Variants in NAA15 observed in about 807,000 individuals in gnomAD.
NAA15 encodes the protein N-terminal acetyltransferase.
In NAA15, 34 loss-of-function variants were observed where a neutral mutation model predicts 114.0. The ratio of observed to expected loss-of-function variants is 0.30; its 90% CI spans 0.23 to 0.40. NAA15 has a LOEUF of 0.40. Ranked by LOEUF, NAA15 falls within the 10% of genes least tolerant of loss-of-function variation. NAA15 has a pLI of 1.00. For synonymous variants in NAA15, 340 were observed against 338.0 expected (o/e 1.01, Z -0.06); for missense variants, 658 against 1,004.5 (o/e 0.66, Z 4.66).
At chr4:139,336,264 T>A (rs1747197393) in intron 2 of NAA15, among the ~76,000 whole-genome samples, 1 of 152,316 alleles carries the variant, frequency 6.6e-6, no homozygotes, top group Middle Eastern at 3.4e-3. Context: ...TTAGTTTTCC[T>A]CTTCTGAAAA....
intron 6 of NAA15, among the ~76,000 whole-genome samples, chr4:139,345,243 G>C (rs576423498): frequency 6.6e-6 from 1 of 152,298 alleles, no homozygotes; most frequent in East Asian, 1.9e-4. Flanking sequence ...GCTCTCTTGT[G>C]AACTGCAGAT....
intron 1 of NAA15, among the ~76,000 whole-genome samples, chr4:139,307,312 A>G (rs1234367917): frequency 6.6e-6 from 1 of 152,250 alleles, no homozygotes; most frequent in South Asian, 2.1e-4. Context: ...TCTATCACAC[A>G]GTCTGGAGTG....
intron 1 of NAA15, among the ~76,000 whole-genome samples, chr4:139,326,590 T>C (rs1396273254): frequency 2.6e-5 from 4 of 152,212 alleles, no homozygotes; most frequent in Admixed American, 2.0e-4. Context: ...TTTTCACTAC[T>C]TCGTTAATTC....
At chr4:139,359,288 T>A (rs1355825703) in intron 11 of NAA15, among the ~76,000 whole-genome samples, 1 of 151,760 alleles carries the variant, frequency 6.6e-6, no homozygotes, top group Non-Finnish European at 1.5e-5. Flanking sequence ...GCCACCACCC[T>A]TGGTTTACTT....
intron 11 of NAA15, 32 bp from the exon 12 acceptor site, chr4:139,359,711 A>T (rs1355181090): frequency 1.2e-5 from 19 of 1,573,112 alleles, no homozygotes; most frequent in African/African-American, 2.8e-5. Context: ...TTAGCATGCT[A>T]ACTGGTTTAT....
At chr4:139,334,136 C>G (rs1193234874) in intron 1 of NAA15, 38 bp from the exon 2 acceptor site, 2 of 1,325,610 alleles carry the variant, frequency 1.5e-6, no homozygotes, top group Non-Finnish European at 2.1e-6. Context: ...TGTTTGTATT[C>G]CTTGCTAAAC....
At chr4:139,354,171 G>A in intron 10 of NAA15, 73 bp downstream of exon 10, 1 of 1,269,804 alleles carries the variant, frequency 7.9e-7, no homozygotes, top group Non-Finnish European at 1.1e-6. Flanking sequence ...TAATCAGAAG[G>A]TCAGTATTAT....
chr4:139,369,737 CAAAAAAAAAAA>C (rs1247894181), intron 14 of NAA15, among the ~76,000 whole-genome samples: 1 of 79,246 alleles, frequency 1.3e-5, no homozygotes, highest in Non-Finnish European at 2.5e-5. Context: ...GACTCCGTCT[CAAAAAAAAAAA>C]AAAAAAAAAA....
intron 1 of NAA15, among the ~76,000 whole-genome samples, chr4:139,319,179 A>G (rs750233011): frequency 5.3e-5 from 8 of 152,112 alleles, no homozygotes; most frequent in Non-Finnish European, 1.0e-4. Context: ...CTGTAATCCT[A>G]GCTGTTCAGG....
intron 10 of NAA15, among the ~76,000 whole-genome samples, chr4:139,354,850 A>T (rs1020019547): frequency 2.6e-5 from 4 of 152,132 alleles, no homozygotes; most frequent in African/African-American, 9.7e-5. Context: ...CTAAAACATA[A>T]CCTAATACCA....
rs572297484 is a variant in NAA15 at position 139,301,741 on chromosome 4, C to T, written c.-37C>T. On this transcript the variant is annotated 5_prime_UTR_variant, in exon 1 of 20. Coordinates refer to ENST00000296543, the MANE Select transcript of NAA15 (RefSeq NM_057175.5). ...CGGTCGGACAAACTGACTGACCGAG[C>T]CGGGTGGTGGCGGGAGCAGCGGGAG... 4.2e-5 allele frequency: 65 copies of T among 1,545,888 alleles called. No individual in the cohort carries two copies. The highest frequency in any genetic ancestry group is 3.4e-4 in the Middle Eastern group (2 of 5,952).
intron 15 of NAA15, among the ~76,000 whole-genome samples, chr4:139,372,127 A>G (rs972568699): frequency 1.1e-4 from 16 of 152,104 alleles, no homozygotes; most frequent in Non-Finnish European, 2.9e-5. Flanking sequence ...TGTGTTAGCT[A>G]GGATGGTCTC....
chr4:139,379,216 C>T (rs760139401), intron 17 of NAA15: 50 of 163,646 alleles, frequency 3.1e-4, no homozygotes, highest in Non-Finnish European at 5.9e-4. Flanking sequence ...CCTTATTTAT[C>T]TGTATTGTAG....
intron 6 of NAA15, among the ~76,000 whole-genome samples, chr4:139,348,822 A>T (rs992082075): frequency 1.3e-5 from 2 of 152,220 alleles, no homozygotes; most frequent in Non-Finnish European, 2.9e-5. Context: ...GGGGCTGCTA[A>T]TATCATTCAG....
rs35041082 is a variant in NAA15, at chr4:139,378,844, C to T, written c.2145C>T (p.Leu715=). 6.4e-6 allele frequency: 10 copies of T among 1,550,836 alleles called. No individual in the cohort carries two copies. Among genetic ancestry groups the T allele is most frequent in the Non-Finnish European group, 8.6e-6 (10 of 1,156,562 alleles). Residue 715 remains leucine (L), a synonymous_variant, in exon 17 of 20, where the codon CTC becomes CTT. Transcript: ENST00000296543. ...HPWLHECMIR[L]FNTAVCESKD... ...GGCTTCATGAGTGTATGATTCGTCT[C>T]TTTAATACTGGTATGTTTTTGTTTT...
intron 18 of NAA15, 77 bp downstream of exon 18, chr4:139,385,055 A>C: frequency 8.1e-7 from 1 of 1,232,524 alleles, no homozygotes; most frequent in Non-Finnish European, 1.1e-6. Context: ...TATAAGGTAC[A>C]TGTTTTTAGA....
intron 1 of NAA15, among the ~76,000 whole-genome samples, chr4:139,331,083 T>G (rs563242767): frequency 6.6e-6 from 1 of 151,732 alleles, no homozygotes; most frequent in Non-Finnish European, 1.5e-5. Flanking sequence ...TTTAGAGCAC[T>G]TTTTTTTTCT....
chr4:139,315,003 T>TTCAGTTC (rs1560952750), intron 1 of NAA15, among the ~76,000 whole-genome samples: 2 of 79,308 alleles, frequency 2.5e-5, no homozygotes, highest in Admixed American at 1.2e-4. Flanking sequence ...CAGTTCAGTT[T>TTCAGTTC]AGTTTAGGTT....
intron 1 of NAA15, among the ~76,000 whole-genome samples, chr4:139,310,207 C>T (rs1359788873): frequency 6.6e-6 from 1 of 152,146 alleles, no homozygotes; most frequent in Non-Finnish European, 1.5e-5. Context: ...GTAATCCCAG[C>T]ACTTTGGGAG....
Sources: gnomAD v4.1 joint callset for allele counts (sites outside exome capture counted in the v4.1 genomes callset) on GRCh38, gnomAD v4.1.1 for gene constraint, MANE v1.5 for transcripts, NCBI Gene and HGNC (gene_info 2026-07-23, HGNC 2026-07-21) for gene names.